Variants in CEACAM20 observed in about 807,000 individuals in gnomAD.
The protein encoded by CEACAM20 is CEA cell adhesion molecule 20, also known as cell adhesion molecule CEACAM20.
CEACAM20 carries 50 observed loss-of-function variants against 61.2 expected under a neutral mutation model. That is an observed-to-expected ratio of 0.82 (90% CI 0.65 to 1.03). The LOEUF (loss-of-function observed/expected upper bound fraction) is 1.03. CEACAM20 is among the 50% of genes least tolerant of loss of function. CEACAM20 has a pLI of 0.00. For synonymous variants in CEACAM20, 282 were observed against 287.7 expected (o/e 0.98, Z 0.20); for missense variants, 683 against 736.4 (o/e 0.93, Z 0.84).
At position 44,517,638 on chromosome 19, in the gene CEACAM20, A is replaced by G. The variant is rs548687047; in HGVS notation, c.1031-414T>C. On this transcript the variant is annotated intron_variant, in intron 5 of 11. Coordinates refer to ENST00000614924, the MANE Select transcript of CEACAM20 (RefSeq NM_001102597.3). ...CTTGAACATGGGTGGTGGAGGTTGCAGTGAGCCAAGCTCATGCCACTGCAC... is the reference window on the plus strand; with the variant it reads ...CTTGAACATGGGTGGTGGAGGTTGCGGTGAGCCAAGCTCATGCCACTGCAC... 1.3e-5 allele frequency among the ~76,000 whole-genome samples: 2 copies of G among 151,268 alleles called. 1 individual carries two copies. Among genetic ancestry groups the G allele is most frequent in the Admixed American group, 1.3e-4 (2 of 15,166 alleles).
intron 3 of CEACAM20, among the ~76,000 whole-genome samples, 167 bp downstream of exon 3, chr19:44,523,819 G>A (rs932815004): frequency 1.3e-5 from 2 of 152,154 alleles, no homozygotes; most frequent in African/African-American, 2.4e-5. Context: ...TTCACATTAA[G>A]TTGGAGGTTT....
Position 44,529,362 on chromosome 19 carries a change from A to G in CEACAM20, c.52+96T>C, listed in dbSNP as rs973302431. 124 of 526,538 alleles carry G rather than the reference A, an allele frequency of 2.4e-4. 2 individuals carry two copies. In the African/African-American group the frequency reaches 3.2e-3, roughly 14 times the overall value. The allele number at this position is 526,538 out of a possible 1,614,324, so 32.6% of individuals were successfully genotyped here. ...TCTCTTTTTCCTCGAGTGCACACAC[A>G]CACACACACACACACACACACACAC... On this transcript the variant is annotated intron_variant, in intron 1 of 11. Transcript: ENST00000614924.
In CEACAM20 at chr19:44,524,072, T is replaced by G. The variant is rs765128480; in HGVS notation, c.386A>C (p.Gln129Pro). The G allele has an allele frequency of 3.7e-5, 59 of 1,584,534 alleles. No individual in the cohort carries two copies. Among genetic ancestry groups the G allele is most frequent in the Non-Finnish European group, 4.9e-5 (57 of 1,165,248 alleles). ...DGKILTILIVQREDSGTYQCE... is the reference protein window; with the variant it reads ...DGKILTILIVPREDSGTYQCE... Reference sequence around the variant, plus strand: ...TTGGTAAGTCCCTGAGTCCTCCCGCTGGACAATGAGAATGGTGAGGATCTT... The same window carrying G: ...TTGGTAAGTCCCTGAGTCCTCCCGCGGGACAATGAGAATGGTGAGGATCTT... Residue 129 changes from glutamine (Q) to proline (P), a missense_variant, in exon 3 of 12, where the codon CAG (glutamine) becomes CCG (proline). By Grantham distance (76) the Gln-to-Pro change is moderately conservative. Transcript: ENST00000614924.
At chr19:44,521,189 T>G (rs1034740086) in intron 4 of CEACAM20, among the ~76,000 whole-genome samples, 10 of 152,140 alleles carry the variant, frequency 6.6e-5, no homozygotes, top group Non-Finnish European at 4.4e-5. Flanking sequence ...GTGCATATGC[T>G]GTATGTGCTG....
At chr19:44,525,773 TCTC>T (rs1169520994) in intron 1 of CEACAM20, among the ~76,000 whole-genome samples, 1 of 152,146 alleles carries the variant, frequency 6.6e-6, no homozygotes, top group African/African-American at 2.4e-5. Context: ...TGAGCCTCAA[TCTC>T]CTCAACTGTA....
At chr19:44,507,339 T>C (rs1043651730) in intron 11 of CEACAM20, among the ~76,000 whole-genome samples, 4 of 152,184 alleles carry the variant, frequency 2.6e-5, no homozygotes, top group African/African-American at 4.8e-5. Context: ...TCAAAGCTGA[T>C]TAGAGAGCTG....
At chr19:44,529,389 C>A (rs958917939) in intron 1 of CEACAM20, 69 bp downstream of exon 1, 1 of 1,296,926 alleles carries the variant, frequency 7.7e-7, no homozygotes, top group Non-Finnish European at 1.1e-6. Context: ...CACACACACA[C>A]ACACACCGCT....
chr19:44,527,116 G>C lies in CEACAM20; in HGVS notation c.53-1872C>G, dbSNP rs560369457. On this transcript the variant is annotated intron_variant, in intron 1 of 11. Coordinates refer to ENST00000614924, the MANE Select transcript of CEACAM20 (RefSeq NM_001102597.3). ...TGTCACTTACTAGCCCTACTATCATGGGTAAGGGACTTTCTCTTTGTGAGC... is the reference window on the plus strand; with the variant it reads ...TGTCACTTACTAGCCCTACTATCATCGGTAAGGGACTTTCTCTTTGTGAGC... Among the ~76,000 whole-genome samples the C allele has an allele frequency of 5.9e-4, 90 of 152,248 alleles. 1 individual carries two copies. The South Asian group carries it at 0.015, about 25-fold the overall frequency.
At chr19:44,510,512 CA>C (rs59841944) in intron 11 of CEACAM20, among the ~76,000 whole-genome samples, 56 of 85,562 alleles carry the variant, frequency 6.5e-4, no homozygotes, top group Admixed American at 1.3e-3. Flanking sequence ...GACCCTGTCT[CA>C]AAAAAAAAAA....
At chr19:44,519,562 A>G (rs1971291155) in intron 5 of CEACAM20, among the ~76,000 whole-genome samples, 1 of 151,976 alleles carries the variant, frequency 6.6e-6, no homozygotes. Flanking sequence ...CGTGACTCCT[A>G]CATCCTTTCG....
chr19:44,523,410 A>G (rs1458374857), intron 3 of CEACAM20, among the ~76,000 whole-genome samples: 10 of 41,346 alleles, frequency 2.4e-4, no homozygotes, highest in Non-Finnish European at 4.0e-4. Flanking sequence ...TCTTGTCTCA[A>G]ATGAATGAAT....
chr19:44,508,065 T>C (rs188127167), intron 11 of CEACAM20, among the ~76,000 whole-genome samples: 11 of 152,314 alleles, frequency 7.2e-5, no homozygotes, highest in Admixed American at 7.2e-4. Context: ...CACTAAAATA[T>C]TGGAGTTCTC....
At chr19:44,511,504 C>T (rs1372405721) in intron 10 of CEACAM20, 133 bp downstream of exon 10, 6 of 931,610 alleles carry the variant, frequency 6.4e-6, no homozygotes, top group Non-Finnish European at 1.0e-5. Context: ...AGGCTACTCT[C>T]TTCCCATCCC....
Position 44,512,002 on chromosome 19 carries a change from TGCA to T in CEACAM20, c.1575+12_1575+14del. On this transcript the variant is annotated intron_variant, in intron 9 of 11. Coordinates refer to ENST00000614924, the MANE Select transcript of CEACAM20 (RefSeq NM_001102597.3). ...TCAGGGGATCAAGGAGGGTTCCCTC[TGCA>T]GCATCACTCACCAGTTCGACTCTGA... is the stretch of plus-strand genomic sequence containing the variant. 1 of 1,604,466 alleles carries T rather than the reference TGCA, an allele frequency of 6.2e-7. No individual in the cohort carries two copies. The highest frequency in any genetic ancestry group is 1.7e-4 in the Middle Eastern group (1 of 6,026).
chr19:44,519,026 C>A (rs1173492913), intron 5 of CEACAM20, among the ~76,000 whole-genome samples: 1 of 152,150 alleles, frequency 6.6e-6, no homozygotes, highest in Non-Finnish European at 1.5e-5. Context: ...AGATTCCATC[C>A]TTGTTACACT....
chr19:44,517,291 C>A, intron 5 of CEACAM20, 67 bp from the exon 6 acceptor site: 1 of 1,558,072 alleles, frequency 6.4e-7, no homozygotes, highest in Non-Finnish European at 8.7e-7. Flanking sequence ...CTGCCCCATT[C>A]ACTTTCACCT....
intron 1 of CEACAM20, among the ~76,000 whole-genome samples, chr19:44,527,851 C>CT (rs776419879): frequency 1.1e-4 from 17 of 152,212 alleles, no homozygotes; most frequent in Non-Finnish European, 2.9e-5. Flanking sequence ...TTCCAAAATA[C>CT]TTTTTTCATC....
At chr19:44,513,419 A>G (rs1894932803) in intron 6 of CEACAM20, 130 bp from the exon 7 acceptor site, 2 of 531,238 alleles carry the variant, frequency 3.8e-6, no homozygotes, top group Non-Finnish European at 6.6e-6. Context: ...GTTGGGAGGT[A>G]TCAGATTGTG....
At position 44,524,239 on chromosome 19, in the gene CEACAM20, T is replaced by A. The variant is rs376925417; in HGVS notation, c.219A>T (p.Ala73=). The change falls in exon 3 of 12, where the codon GCA becomes GCT. Residue 73 remains alanine (A), a synonymous_variant. Transcript: ENST00000614924. ...GCTCTATGGCAGTGCCTGGGCTGAC[T>A]GCAATGGAGGGTTTGGCCAGCTCTG... ...RSRELAKPSI[A]VSPGTAIEQK... is the part of the protein sequence containing the mutation. The A allele has an allele frequency of 1.9e-6, 3 of 1,613,308 alleles. No homozygotes were observed. In the African/African-American group the frequency reaches 4.0e-5, roughly 22 times the overall value.
Sources: allele counts gnomAD v4.1 joint callset (sites outside exome capture counted in the v4.1 genomes callset), GRCh38; gene constraint gnomAD v4.1.1; transcripts MANE v1.5; gene names NCBI Gene and HGNC (gene_info 2026-07-23, HGNC 2026-07-21).